The following EBF2 variants were observed in gnomAD, a reference collection of about 807,000 sequenced individuals.
The protein encoded by EBF2 is transcription factor COE2.
A neutral mutation model predicts 72.8 loss-of-function variants in EBF2; 21 were observed. The observed-to-expected ratio is 0.29, with a 90% CI of 0.20 to 0.42. The LOEUF (loss-of-function observed/expected upper bound fraction) is 0.42, where lower values mean the gene tolerates loss of function less well. Among genes scored for constraint, EBF2 ranks in the 10% least tolerant of loss-of-function variants. The pLI is 1.00. For synonymous variants in EBF2, 299 were observed against 274.2 expected (o/e 1.09, Z -0.89); for missense variants, 637 against 731.2 (o/e 0.87, Z 1.49).
intron 6 of EBF2, among the ~76,000 whole-genome samples, chr8:25,971,496 AC>A (rs1804189290): frequency 6.6e-6 from 1 of 152,146 alleles, no homozygotes; most frequent in South Asian, 2.1e-4. Flanking sequence ...AGAGCCAAGC[AC>A]CGCGCTCTGG....
chr8:25,978,738 C>T (rs546378136), intron 6 of EBF2, among the ~76,000 whole-genome samples: 1 of 152,154 alleles, frequency 6.6e-6, no homozygotes, highest in East Asian at 1.9e-4. Flanking sequence ...CGCCTTCCTC[C>T]GGCACATGGA....
At chr8:25,990,031 A>G (rs1293247022) in intron 6 of EBF2, among the ~76,000 whole-genome samples, 5 of 152,176 alleles carry the variant, frequency 3.3e-5, no homozygotes, top group Non-Finnish European at 7.3e-5. Context: ...TTGCAGTAGA[A>G]AAGGAAACCT....
intron 7 of EBF2, among the ~76,000 whole-genome samples, chr8:25,896,252 G>T (rs532312133): frequency 6.6e-6 from 1 of 152,324 alleles, no homozygotes; most frequent in South Asian, 2.1e-4. Flanking sequence ...CAGAGTCTTT[G>T]CTTTGAAAAC....
At chr8:25,975,793 A>T (rs1418552208) in intron 6 of EBF2, among the ~76,000 whole-genome samples, 1 of 152,220 alleles carries the variant, frequency 6.6e-6, no homozygotes, top group Admixed American at 6.5e-5. Flanking sequence ...AAATTGACAC[A>T]GTGCACACGA....
intron 6 of EBF2, among the ~76,000 whole-genome samples, chr8:26,011,184 A>G (rs1804975377): frequency 6.6e-6 from 1 of 152,218 alleles, no homozygotes; most frequent in Non-Finnish European, 1.5e-5. Flanking sequence ...GGTTGTTCCC[A>G]AGGAAATTGC....
At chr8:25,874,972 C>G (rs1802498599) in intron 10 of EBF2, among the ~76,000 whole-genome samples, 1 of 151,404 alleles carries the variant, frequency 6.6e-6, no homozygotes, top group Admixed American at 6.6e-5. Flanking sequence ...AGGGGGGAAC[C>G]ATGGTGCCTG....
chr8:26,019,082 G>A (rs1057300307), intron 6 of EBF2, among the ~76,000 whole-genome samples: 5 of 152,166 alleles, frequency 3.3e-5, no homozygotes, highest in African/African-American at 1.2e-4. Context: ...TACTCCCTGG[G>A]TCAGGCTTTC....
chr8:25,992,681 T>G (rs1804563842), intron 6 of EBF2, among the ~76,000 whole-genome samples: 1 of 151,650 alleles, frequency 6.6e-6, no homozygotes, highest in South Asian at 2.1e-4. Context: ...GGCAGGCAAA[T>G]TGCTTGAGCT....
intron 6 of EBF2, among the ~76,000 whole-genome samples, chr8:25,914,727 G>A (rs949376357): frequency 4.6e-5 from 7 of 152,160 alleles, no homozygotes; most frequent in East Asian, 1.9e-4. Context: ...AGGCTTAAAC[G>A]AAATGAAGTT....
At chr8:25,916,826 C>G (rs1007962915) in intron 6 of EBF2, among the ~76,000 whole-genome samples, 1 of 152,126 alleles carries the variant, frequency 6.6e-6, no homozygotes, top group African/African-American at 2.4e-5. Context: ...CCCATCGAGT[C>G]ACTTTCTATT....
chr8:25,857,129 T>A (rs1213849294), intron 14 of EBF2, among the ~76,000 whole-genome samples: 2 of 152,224 alleles, frequency 1.3e-5, no homozygotes, highest in African/African-American at 4.8e-5. Context: ...GACTGTTATC[T>A]AATTAACTTA....
At chr8:25,879,758 G>A (rs543775505) in intron 10 of EBF2, among the ~76,000 whole-genome samples, 5 of 152,234 alleles carry the variant, frequency 3.3e-5, no homozygotes, top group South Asian at 2.1e-4. Context: ...CTTTCATGGC[G>A]ATCTCATCTG....
At chr8:25,855,953 C>T (rs1802080622) in intron 14 of EBF2, among the ~76,000 whole-genome samples, 1 of 152,240 alleles carries the variant, frequency 6.6e-6, no homozygotes, top group South Asian at 2.1e-4. Context: ...TCTGTGTCTA[C>T]CATCTCATTT....
rs1323958895 is a variant in EBF2 at position 26,044,853 on chromosome 8, C to T, written c.7G>A (p.Gly3Arg). The T allele has an allele frequency of 8.7e-6, 14 of 1,613,872 alleles. No homozygotes were observed. Among genetic ancestry groups the T allele is most frequent in the Non-Finnish European group, 1.2e-5 (14 of 1,179,994 alleles). Residue 3 changes from glycine to arginine, a missense_variant, in exon 1 of 16, where the codon GGA becomes AGA. Coordinates refer to ENST00000520164, the MANE Select transcript of EBF2 (RefSeq NM_022659.4). This position sits in a 1 kb window ranked among gnomAD's most constrained non-coding sequence, Gnocchi z 4.1. ...CCTCTTCCTAAAGTATCTTGAATTCCAAACATTTAAAAAGTCTGATCCTCT... is the reference window on the plus strand; with the variant it reads ...CCTCTTCCTAAAGTATCTTGAATTCTAAACATTTAAAAAGTCTGATCCTCT... Reference protein sequence around the residue: MFGIQDTLGRGPT... With the variant: MFRIQDTLGRGPT...
intron 6 of EBF2, among the ~76,000 whole-genome samples, chr8:25,948,090 T>TAGAG (rs1803801844): frequency 6.6e-6 from 1 of 152,192 alleles, no homozygotes; most frequent in South Asian, 2.1e-4. Flanking sequence ...CATTCATTCA[T>TAGAG]TCATTCATAG....
intron 6 of EBF2, among the ~76,000 whole-genome samples, chr8:25,980,546 C>G (rs1432845528): frequency 6.6e-6 from 1 of 152,128 alleles, no homozygotes; most frequent in Non-Finnish European, 1.5e-5. Context: ...TAAGGGGGAT[C>G]AGCATTCTTT....
At chr8:25,879,795 A>T (rs1802578574) in intron 10 of EBF2, among the ~76,000 whole-genome samples, 1 of 152,142 alleles carries the variant, frequency 6.6e-6, no homozygotes, top group South Asian at 2.1e-4. Context: ...TCCTGTCTAG[A>T]GTATCCTGCA....
At chr8:26,014,116 T>C (rs1199892701) in intron 6 of EBF2, among the ~76,000 whole-genome samples, 7 of 152,190 alleles carry the variant, frequency 4.6e-5, no homozygotes, top group Admixed American at 3.9e-4. Context: ...GAGAAAACTC[T>C]ATGAATTTGA....
intron 6 of EBF2, among the ~76,000 whole-genome samples, chr8:25,924,529 A>G (rs1803354659): frequency 6.6e-6 from 1 of 152,236 alleles, no homozygotes; most frequent in African/African-American, 2.4e-5. Context: ...CGAAAAGCTG[A>G]TTACATCAGG....
Sources: allele counts gnomAD v4.1 joint callset (sites outside exome capture counted in the v4.1 genomes callset), GRCh38; gene constraint gnomAD v4.1.1; non-coding constraint Gnocchi (gnomAD v3.1); transcripts MANE v1.5; gene names NCBI Gene and HGNC (gene_info 2026-07-23, HGNC 2026-07-21).